ARHGEF7: variants seen among roughly 807,000 people sequenced by gnomAD.
The protein encoded by ARHGEF7 is Rho guanine nucleotide exchange factor 7.
A neutral mutation model predicts 109.8 loss-of-function variants in ARHGEF7; 33 were observed. The ratio of observed to expected loss-of-function variants is 0.30; its 90% CI spans 0.23 to 0.40. The LOEUF (loss-of-function observed/expected upper bound fraction) is 0.40. Ranked by LOEUF, ARHGEF7 falls within the 10% of genes least tolerant of loss-of-function variation. The pLI is 1.00. For synonymous variants in ARHGEF7, 458 were observed against 424.6 expected (o/e 1.08, Z -0.97); for missense variants, 938 against 1,098.5 (o/e 0.85, Z 2.07).
At chr13:111,285,055 T>C (rs1011607775) in intron 16 of ARHGEF7, among the ~76,000 whole-genome samples, 5 of 152,244 alleles carry the variant, frequency 3.3e-5, no homozygotes, top group African/African-American at 1.2e-4. Context: ...TATTTTAGAT[T>C]CAGAGTTTGT....
chr13:111,214,750 T>TG (rs1374137161), intron 4 of ARHGEF7, among the ~76,000 whole-genome samples: 1 of 152,238 alleles, frequency 6.6e-6, no homozygotes, highest in East Asian at 1.9e-4. Flanking sequence ...TGCCAAACAC[T>TG]GAAGAGAGGC....
At chr13:111,261,092 C>T (rs572466454) in intron 8 of ARHGEF7, among the ~76,000 whole-genome samples, 11 of 151,692 alleles carry the variant, frequency 7.3e-5, no homozygotes, top group African/African-American at 2.2e-4. Context: ...GATTGCAAAA[C>T]AAGAAAACAA....
chr13:111,277,543 A>G (rs1423515072), intron 12 of ARHGEF7, 44 bp from the exon 13 acceptor site: 2 of 1,201,378 alleles, frequency 1.7e-6, no homozygotes, highest in Non-Finnish European at 1.2e-6. Context: ...TTTGTTAAGT[A>G]GATGTTTTTT....
intron 2 of ARHGEF7, among the ~76,000 whole-genome samples, chr13:111,161,822 A>G (rs966631024): frequency 1.3e-5 from 2 of 152,216 alleles, no homozygotes; most frequent in African/African-American, 4.8e-5. Context: ...ATGTTTTATA[A>G]CATGCTTTAA....
chr13:111,182,952 A>G (rs2078909265), intron 2 of ARHGEF7, among the ~76,000 whole-genome samples: 1 of 152,182 alleles, frequency 6.6e-6, no homozygotes, highest in Non-Finnish European at 1.5e-5. Context: ...ATTTTGCCCA[A>G]CTGTAAGCTA....
At chr13:111,302,101 C>T (rs967614993) in intron 21 of ARHGEF7, among the ~76,000 whole-genome samples, 1 of 152,100 alleles carries the variant, frequency 6.6e-6, no homozygotes, top group Non-Finnish European at 1.5e-5. Flanking sequence ...TGTCTGGTGA[C>T]AAATCCTGCG....
intron 1 of ARHGEF7, among the ~76,000 whole-genome samples, chr13:111,117,048 G>C (rs2066837581): frequency 6.6e-6 from 1 of 152,182 alleles, no homozygotes; most frequent in Non-Finnish European, 1.5e-5. Flanking sequence ...ATACTTTGCT[G>C]TTTGGATACT....
intron 2 of ARHGEF7, among the ~76,000 whole-genome samples, chr13:111,202,439 C>T (rs1475115143): frequency 1.3e-5 from 2 of 152,212 alleles, no homozygotes; most frequent in Non-Finnish European, 2.9e-5. Context: ...GTAGCTCCTG[C>T]TGAGAATTGC....
chr13:111,219,180 T>G (rs768584304), intron 5 of ARHGEF7, among the ~76,000 whole-genome samples: 1 of 152,164 alleles, frequency 6.6e-6, no homozygotes, highest in Non-Finnish European at 1.5e-5. Context: ...CCCATTCCCC[T>G]CCCCAGCCCC....
At chr13:111,227,004 G>A (rs183544744) in intron 5 of ARHGEF7, among the ~76,000 whole-genome samples, 1 of 152,306 alleles carries the variant, frequency 6.6e-6, no homozygotes, top group African/African-American at 2.4e-5. Flanking sequence ...TACCTGTGTG[G>A]TGGGAACAGC....
chr13:111,293,922 C>T (rs929418529), intron 19 of ARHGEF7: 1 of 985,322 alleles, frequency 1.0e-6, no homozygotes, highest in Non-Finnish European at 1.2e-6. Flanking sequence ...GGCAGTAGCA[C>T]GTTGTTTAGA....
chr13:111,153,531 C>G (rs1323074457), intron 1 of ARHGEF7: 1 of 779,340 alleles, frequency 1.3e-6, no homozygotes, highest in African/African-American at 1.9e-5. Flanking sequence ...AGCACTGGGC[C>G]AGAGGAGGTG....
intron 5 of ARHGEF7, among the ~76,000 whole-genome samples, chr13:111,218,302 C>G (rs985386666): frequency 6.6e-6 from 1 of 151,934 alleles, no homozygotes; most frequent in African/African-American, 2.4e-5. Context: ...TCTCTTTGTA[C>G]TAGTGATAGT....
intron 19 of ARHGEF7, chr13:111,295,255 A>T: frequency 1.0e-6 from 1 of 966,196 alleles, no homozygotes; most frequent in Non-Finnish European, 1.2e-6. Flanking sequence ...AGTGTAATAT[A>T]ATTTGGCTCT....
chr13:111,223,152 G>T (rs2084701507), intron 5 of ARHGEF7, among the ~76,000 whole-genome samples: 1 of 152,160 alleles, frequency 6.6e-6, no homozygotes, highest in East Asian at 1.9e-4. Context: ...CAGTCTTGTG[G>T]GTACCCCCGT....
chr13:111,256,070 T>A (rs1169973803), intron 8 of ARHGEF7, among the ~76,000 whole-genome samples: 1 of 152,222 alleles, frequency 6.6e-6, no homozygotes. Flanking sequence ...AGTTAAGCCA[T>A]CATTGCCTGT....
chr13:111,164,625 A>G (rs931065491), intron 2 of ARHGEF7, among the ~76,000 whole-genome samples: 3 of 152,208 alleles, frequency 2.0e-5, no homozygotes, highest in East Asian at 1.9e-4. Context: ...TATTGTTCTT[A>G]GAGGTCTGTG....
intron 5 of ARHGEF7, among the ~76,000 whole-genome samples, chr13:111,231,095 A>G (rs941844509): frequency 2.0e-5 from 3 of 152,350 alleles, no homozygotes; most frequent in African/African-American, 7.2e-5. Context: ...ACCGGCACAC[A>G]TGCTGACGTG....
Position 111,266,677 on chromosome 13 carries a change from T to G in ARHGEF7, c.951-871T>G. On this transcript the variant is annotated intron_variant, in intron 8 of 21. Transcript: ENST00000646102. The surrounding 1 kb of genome is among the most constrained non-coding windows in gnomAD (Gnocchi z 4.8). Reference sequence around the variant, plus strand: ...TCTTGTTTTCTGTAGGAATCCCTGGTGTTCATGTTTTTGGTCACTTTTTCT... The same window carrying G: ...TCTTGTTTTCTGTAGGAATCCCTGGGGTTCATGTTTTTGGTCACTTTTTCT... The G allele has an allele frequency of 2.6e-6, 1 of 391,892 alleles. No individual in the cohort carries two copies. The highest frequency in any genetic ancestry group is 5.3e-6 in the Non-Finnish European group (1 of 189,626). The allele number at this position is 391,892 out of a possible 1,614,324, so 24.3% of individuals were successfully genotyped here.
Sources: allele counts gnomAD v4.1 joint callset (sites outside exome capture counted in the v4.1 genomes callset), GRCh38; gene constraint gnomAD v4.1.1; non-coding constraint Gnocchi (gnomAD v3.1); transcripts MANE v1.5; gene names NCBI Gene and HGNC (gene_info 2026-07-23, HGNC 2026-07-21).